Variants in GPHN observed in about 807,000 individuals in gnomAD.
GPHN encodes the protein gephyrin.
GPHN carries 17 observed loss-of-function variants against 95.5 expected under a neutral mutation model. The ratio of observed to expected loss-of-function variants is 0.18; its 90% CI spans 0.12 to 0.27. The LOEUF (loss-of-function observed/expected upper bound fraction) is 0.27. Ranked by LOEUF, GPHN falls within the 10% of genes least tolerant of loss-of-function variation. GPHN has a pLI of 1.00. For synonymous variants in GPHN, 320 were observed against 322.5 expected, an observed-to-expected ratio of 0.99 and a Z score of 0.08; for missense variants, 660 against 978.1, an observed-to-expected ratio of 0.67 and a Z score of 4.34.
chr14:66,639,859 G>A (rs10144010), intron 1 of GPHN, among the ~76,000 whole-genome samples: 49,793 of 151,838 alleles, frequency 0.33, 12,004 homozygotes, highest in African/African-American at 0.66. Context: ...ATGAAATTTT[G>A]TCTGAAATTA....
the GPHN span, among the ~76,000 whole-genome samples, chr14:67,281,940 T>G: frequency 6.6e-6 from 1 of 152,180 alleles, no homozygotes; most frequent in Non-Finnish European, 1.5e-5. Context: ...CTATGTGTGG[T>G]CCTTGAATTT....
At chr14:67,692,959 C>T in the GPHN span, 1 of 1,613,906 alleles carries the variant, frequency 6.2e-7, no homozygotes, top group African/African-American at 1.3e-5. Context: ...CTTTGGCTGT[C>T]TCCTTCCCGA....
At chr14:66,583,413 G>T (rs2061282845) in intron 1 of GPHN, among the ~76,000 whole-genome samples, 1 of 152,072 alleles carries the variant, frequency 6.6e-6, no homozygotes, top group South Asian at 2.1e-4. Flanking sequence ...GTCAATTTTG[G>T]CTTTTGTTGC....
At chr14:66,811,484 C>A (rs1484704034) in intron 3 of GPHN, among the ~76,000 whole-genome samples, 1 of 147,094 alleles carries the variant, frequency 6.8e-6, no homozygotes, top group African/African-American at 2.5e-5. Flanking sequence ...TATTTTTGGT[C>A]TTTTTAGTAA....
chr14:67,286,813 C>T, the GPHN span, among the ~76,000 whole-genome samples: 1,108 of 145,140 alleles, frequency 7.6e-3, 14 homozygotes, highest in African/African-American at 0.026. Context: ...GCTCTGATTA[C>T]GCCACTGCAC....
At chr14:67,347,484 T>A in the GPHN span, 4 of 1,503,040 alleles carry the variant, frequency 2.7e-6, no homozygotes, top group African/African-American at 1.5e-5. Flanking sequence ...CATGGATTCA[T>A]AAACCTTTAA....
the GPHN span, chr14:67,352,809 T>G: frequency 2.8e-6 from 2 of 704,506 alleles, no homozygotes; most frequent in Non-Finnish European, 4.7e-6. Flanking sequence ...ATAATGGTAT[T>G]TTTACTTTTG....
intron 12 of GPHN, among the ~76,000 whole-genome samples, chr14:67,094,754 C>T (rs1210434615): frequency 6.6e-6 from 1 of 152,088 alleles, no homozygotes; most frequent in Admixed American, 6.6e-5. Context: ...GATGGTGGTC[C>T]CATGAGATTA....
chr14:67,144,252 T>TATATAC (rs1567400576), intron 18 of GPHN, among the ~76,000 whole-genome samples: 4 of 44,734 alleles, frequency 8.9e-5, no homozygotes, highest in African/African-American at 3.2e-4. Context: ...AAAAAAAAAA[T>TATATAC]ATATATATAT....
chr14:67,587,443 T>C, the GPHN span: 1 of 605,812 alleles, frequency 1.7e-6, no homozygotes. Flanking sequence ...GACCCAGTGT[T>C]AAAACCATTT....
the GPHN span, among the ~76,000 whole-genome samples, chr14:67,505,381 A>G: frequency 6.6e-6 from 1 of 152,106 alleles, no homozygotes; most frequent in African/African-American, 2.4e-5. Context: ...AACTGGGAGG[A>G]CATGGTGGAC....
chr14:66,738,193 G>A (rs2072466394), intron 2 of GPHN, among the ~76,000 whole-genome samples: 4 of 152,034 alleles, frequency 2.6e-5, no homozygotes, highest in Admixed American at 2.0e-4. Context: ...ATTCTTGAAC[G>A]GTTACCCCAA....
intron 11 of GPHN, among the ~76,000 whole-genome samples, chr14:67,068,833 G>A (rs909989025): frequency 1.2e-4 from 19 of 152,192 alleles, no homozygotes; most frequent in Admixed American, 2.0e-4. Context: ...ACATGTTCCC[G>A]TCTCTGACTT....
the GPHN span, among the ~76,000 whole-genome samples, chr14:67,245,836 C>T: frequency 1.5e-3 from 228 of 152,002 alleles, 1 homozygote; most frequent in African/African-American, 5.2e-3. Flanking sequence ...ACTCTTTGCT[C>T]AATCCACGGT....
chr14:66,824,614 GT>G (rs748024403), intron 4 of GPHN, 48 bp downstream of exon 4: 4 of 860,118 alleles, frequency 4.7e-6, no homozygotes, highest in Admixed American at 3.5e-5. Context: ...ACTAATCATG[GT>G]TTTTTTAATC....
the GPHN span, chr14:67,695,558 G>C: frequency 6.8e-7 from 1 of 1,465,456 alleles, no homozygotes; most frequent in Non-Finnish European, 9.4e-7. Flanking sequence ...AGAAAGCTTT[G>C]GTGGGGATTC....
chr14:67,192,161 T>A, the GPHN span, among the ~76,000 whole-genome samples: 1 of 152,182 alleles, frequency 6.6e-6, no homozygotes, highest in East Asian at 1.9e-4. Context: ...CTTAATTAGA[T>A]GAATAGGACA....
intron 4 of GPHN, among the ~76,000 whole-genome samples, chr14:66,844,939 C>A (rs549501239): frequency 6.6e-6 from 1 of 152,110 alleles, no homozygotes; most frequent in South Asian, 2.1e-4. Context: ...ATAAATTTGC[C>A]TGTTCTAGAT....
At chr14:67,284,858 C>G in the GPHN span, among the ~76,000 whole-genome samples, 3 of 152,086 alleles carry the variant, frequency 2.0e-5, no homozygotes, top group African/African-American at 7.2e-5. Flanking sequence ...TAATATTCCA[C>G]TGTACAAATA....
Sources: gnomAD v4.1 joint callset for allele counts (sites outside exome capture counted in the v4.1 genomes callset) on GRCh38, gnomAD v4.1.1 for gene constraint, MANE v1.5 for transcripts, NCBI Gene and HGNC (gene_info 2026-07-23, HGNC 2026-07-21) for gene names.